CTNND2: variants seen among roughly 807,000 people sequenced by gnomAD.
The protein encoded by CTNND2 is catenin delta 2, also known as catenin delta-2.
Under a neutral mutation model 144.4 loss-of-function variants are expected in CTNND2, and 22 were observed. The observed-to-expected ratio is 0.15, with a 90% CI of 0.11 to 0.22. The LOEUF (loss-of-function observed/expected upper bound fraction) is 0.22. Among genes scored for constraint, CTNND2 ranks in the 10% least tolerant of loss-of-function variants. The pLI is 1.00. For missense variants in CTNND2, 1,353 were observed against 1,618.8 expected, an observed-to-expected ratio of 0.84 and a Z score of 2.82; for synonymous variants, 751 against 695.6, an observed-to-expected ratio of 1.08 and a Z score of -1.25.
intron 5 of CTNND2, among the ~76,000 whole-genome samples, chr5:11,408,044 C>A (rs75241361): frequency 6.6e-6 from 1 of 151,978 alleles, no homozygotes; most frequent in Admixed American, 6.6e-5. Flanking sequence ...GACATTGATT[C>A]CCCGCTTGCT....
rs553549346 is a variant in CTNND2, at chr5:11,034,503, G to A, written c.2789-11524C>T. On this transcript the variant is annotated intron_variant, in intron 16 of 21. Coordinates refer to ENST00000304623, the MANE Select transcript of CTNND2 (RefSeq NM_001332.4). ...AACACATAGGCACACACATATATGC[G>A]CTTCAAATATCTGCAAATGTACAAA... Among the ~76,000 whole-genome samples, 10 of 152,252 alleles carry A rather than the reference G, an allele frequency of 6.6e-5. No individual in the cohort carries two copies. In the South Asian group the frequency reaches 1.9e-3, roughly 28 times the overall value.
chr5:11,843,540 C>G (rs1794586786), intron 1 of CTNND2, among the ~76,000 whole-genome samples: 1 of 152,182 alleles, frequency 6.6e-6, no homozygotes, highest in African/African-American at 2.4e-5. Flanking sequence ...TAAAACCACC[C>G]TGTGTCCATA....
intron 2 of CTNND2, among the ~76,000 whole-genome samples, chr5:11,687,732 T>C (rs1784722249): frequency 6.6e-6 from 1 of 152,156 alleles, no homozygotes; most frequent in African/African-American, 2.4e-5. Context: ...GGAGCACGTG[T>C]TCTAGTGGAG....
intron 1 of CTNND2, among the ~76,000 whole-genome samples, chr5:11,868,652 G>A (rs1277718882): frequency 6.6e-6 from 1 of 152,108 alleles, no homozygotes; most frequent in East Asian, 1.9e-4. Flanking sequence ...GAGGTAATTG[G>A]ATCATGAGGG....
At chr5:11,776,799 T>C (rs967450372) in intron 1 of CTNND2, among the ~76,000 whole-genome samples, 1 of 152,220 alleles carries the variant, frequency 6.6e-6, no homozygotes, top group African/African-American at 2.4e-5. Flanking sequence ...AAAGGCATAA[T>C]GTTGATCACC....
chr5:11,734,960 A>G (rs1009213318), intron 1 of CTNND2, among the ~76,000 whole-genome samples: 2 of 152,246 alleles, frequency 1.3e-5, no homozygotes, highest in Non-Finnish European at 2.9e-5. Flanking sequence ...ATCTGTTACA[A>G]ACAGAATATG....
chr5:11,359,493 G>A (rs770221387), intron 8 of CTNND2, among the ~76,000 whole-genome samples: 36 of 152,116 alleles, frequency 2.4e-4, no homozygotes, highest in Non-Finnish European at 7.4e-5. Flanking sequence ...TACTCTCCGG[G>A]AGCTCTGTTG....
chr5:11,800,893 C>G (rs1344860860), intron 1 of CTNND2, among the ~76,000 whole-genome samples: 1 of 152,152 alleles, frequency 6.6e-6, no homozygotes, highest in East Asian at 1.9e-4. Context: ...CTCTTGCTTT[C>G]ATTACTTTCA....
chr5:11,392,216 C>G (rs1248165661), intron 6 of CTNND2, among the ~76,000 whole-genome samples: 2 of 152,180 alleles, frequency 1.3e-5, no homozygotes, highest in East Asian at 3.9e-4. Context: ...TCCTTGAGTA[C>G]TGATTTTTCC....
chr5:11,903,775 G>A lies in CTNND2; in HGVS notation c.37+42C>T. 1 of 1,468,262 alleles carries A rather than the reference G, an allele frequency of 6.8e-7. No homozygotes were observed. The highest frequency in any genetic ancestry group is 9.0e-7 in the Non-Finnish European group (1 of 1,115,606). The allele number at this position is 1,468,262 out of a possible 1,614,324, so 91.0% of individuals were successfully genotyped here. On this transcript the variant is annotated intron_variant, in intron 1 of 21. Transcript: ENST00000304623. The surrounding 1 kb of genome is among the most constrained non-coding windows in gnomAD (Gnocchi z 5.4). ...CAAGAGGAGGAGGACGGCGCCGGGA[G>A]GAGGCTGCGCCCGGCCCCGGCCGCC...
rs551648455 is a variant in CTNND2, at chr5:11,555,087, C to T, written c.287+9857G>A. ...TGAGATAAGAACAGTAATAAAATCACTGTATGTTCATTCGTCTGTTCATTC... is the reference window on the plus strand; with the variant it reads ...TGAGATAAGAACAGTAATAAAATCATTGTATGTTCATTCGTCTGTTCATTC... On this transcript the variant is annotated intron_variant, in intron 3 of 21. Transcript: ENST00000304623. Among the ~76,000 whole-genome samples the T allele has an allele frequency of 4.6e-5, 7 of 152,226 alleles. No homozygotes were observed. In the South Asian group the frequency reaches 1.5e-3, roughly 32 times the overall value.
chr5:11,384,412 GAA>G lies in CTNND2; in HGVS notation c.1177+251_1177+252del. On this transcript the variant is annotated intron_variant, in intron 7 of 21. Coordinates refer to ENST00000304623, the MANE Select transcript of CTNND2 (RefSeq NM_001332.4). This position sits in a 1 kb window ranked among gnomAD's most constrained non-coding sequence, Gnocchi z 5.2. ...TTAGGCTGGGGAGAGGGCAGAGAGAGAAGAGAGGAGAGAAGAGAGTGATATAG... is the reference window on the plus strand; with the variant it reads ...TTAGGCTGGGGAGAGGGCAGAGAGAGGAGAGGAGAGAAGAGAGTGATATAG... 1 of 524,668 alleles carries G rather than the reference GAA, an allele frequency of 1.9e-6. No individual in the cohort carries two copies. Among genetic ancestry groups the G allele is most frequent in the South Asian group, 2.9e-5 (1 of 34,828 alleles). 32.5% of individuals were successfully genotyped at this position (524,668 alleles called of 1,614,324 possible). A position where few individuals can be genotyped will look rare whatever the true frequency, so the allele number is the denominator to read the frequency against.
At chr5:11,027,617 T>A (rs966299570) in intron 16 of CTNND2, among the ~76,000 whole-genome samples, 2 of 152,216 alleles carry the variant, frequency 1.3e-5, no homozygotes, top group Non-Finnish European at 2.9e-5. Flanking sequence ...TGTATGTGTG[T>A]GTGTGTGTGT....
At chr5:11,840,814 C>A (rs1175964327) in intron 1 of CTNND2, among the ~76,000 whole-genome samples, 1 of 151,868 alleles carries the variant, frequency 6.6e-6, no homozygotes, top group African/African-American at 2.4e-5. Flanking sequence ...TAAGAAATAC[C>A]CAAAAATCTG....
chr5:11,335,962 CCT>C (rs1366002651), intron 9 of CTNND2, among the ~76,000 whole-genome samples: 9 of 151,968 alleles, frequency 5.9e-5, no homozygotes, highest in Non-Finnish European at 4.4e-5. Flanking sequence ...GTAACTTCAG[CCT>C]CTGATTGGTT....
chr5:11,304,311 G>A (rs26478), intron 9 of CTNND2, among the ~76,000 whole-genome samples: 103,432 of 150,174 alleles, frequency 0.69, 35,765 homozygotes, highest in South Asian at 0.78. Context: ...CATTACACAC[G>A]GACACACCAC....
intron 2 of CTNND2, chr5:11,588,824 T>C (rs751124257): frequency 2.0e-6 from 2 of 985,174 alleles, no homozygotes; most frequent in Non-Finnish European, 2.4e-6. Flanking sequence ...AGATGAAGGG[T>C]TACTCTTCCC....
chr5:11,189,200 T>C (rs531979902), intron 11 of CTNND2, among the ~76,000 whole-genome samples: 3 of 152,282 alleles, frequency 2.0e-5, no homozygotes, highest in East Asian at 1.9e-4. Flanking sequence ...CCTTCCTCCA[T>C]GTGGCTCCTT....
chr5:11,636,456 C>A (rs546483134), intron 2 of CTNND2, among the ~76,000 whole-genome samples: 1 of 152,064 alleles, frequency 6.6e-6, no homozygotes, highest in Non-Finnish European at 1.5e-5. Context: ...GGAAATAAAA[C>A]TTTTACTAGA....
Sources: allele counts gnomAD v4.1 joint callset (sites outside exome capture counted in the v4.1 genomes callset), GRCh38; gene constraint gnomAD v4.1.1; non-coding constraint Gnocchi (gnomAD v3.1); transcripts MANE v1.5; gene names NCBI Gene and HGNC (gene_info 2026-07-23, HGNC 2026-07-21).